Variants in ACBD6 observed in about 807,000 individuals in gnomAD.
The protein encoded by ACBD6 is acyl-CoA-binding domain-containing protein 6.
In ACBD6, 28 loss-of-function variants were observed where a neutral mutation model predicts 37.2. That is an observed-to-expected ratio of 0.75 (90% CI 0.56 to 1.03). The LOEUF is 1.03. ACBD6 is among the 50% of genes least tolerant of loss of function. The pLI is 0.00. For synonymous variants in ACBD6, 113 were observed against 126.8 expected, an observed-to-expected ratio of 0.89 and a Z score of 0.73; for missense variants, 340 against 337.4, an observed-to-expected ratio of 1.01 and a Z score of -0.06.
intron 3 of ACBD6, among the ~76,000 whole-genome samples, chr1:180,457,798 T>G (rs1286633051): frequency 6.6e-6 from 1 of 151,822 alleles, no homozygotes; most frequent in East Asian, 1.9e-4. Context: ...TAACTGTTTT[T>G]TTTTTTTTTT....
chr1:180,407,038 C>T (rs1460531137), intron 5 of ACBD6, among the ~76,000 whole-genome samples: 1 of 151,840 alleles, frequency 6.6e-6, no homozygotes, highest in Non-Finnish European at 1.5e-5. Context: ...TGAAGCAATA[C>T]TATTTATTTT....
intron 6 of ACBD6, among the ~76,000 whole-genome samples, chr1:180,394,868 A>G (rs1028270327): frequency 6.6e-6 from 1 of 152,224 alleles, no homozygotes; most frequent in Non-Finnish European, 1.5e-5. Flanking sequence ...TGAAAGTACT[A>G]GAAGAAAATG....
At chr1:180,356,362 G>A (rs944418741) in intron 6 of ACBD6, among the ~76,000 whole-genome samples, 1 of 151,456 alleles carries the variant, frequency 6.6e-6, no homozygotes, top group Non-Finnish European at 1.5e-5. Context: ...TGTAGAGATG[G>A]GGTTTTACCG....
chr1:180,386,931 C>T (rs1323499448), intron 6 of ACBD6, among the ~76,000 whole-genome samples: 1 of 152,040 alleles, frequency 6.6e-6, no homozygotes, highest in African/African-American at 2.4e-5. Context: ...TTTTACCATT[C>T]GAGTTGTGAT....
At chr1:180,370,000 A>G (rs4652498) in intron 6 of ACBD6, among the ~76,000 whole-genome samples, 111,747 of 152,056 alleles carry the variant, frequency 0.73, 43,612 homozygotes, top group Non-Finnish European at 0.88. Flanking sequence ...TGGATGCATC[A>G]TTTCTTTGAG....
chr1:180,475,790 T>C (rs1452398196), intron 3 of ACBD6, among the ~76,000 whole-genome samples: 2 of 152,190 alleles, frequency 1.3e-5, no homozygotes, highest in Admixed American at 1.3e-4. Flanking sequence ...GGGGTTATTA[T>C]AAATAAAGCG....
At chr1:180,413,601 G>T in intron 4 of ACBD6, 130 bp from the exon 5 acceptor site, 1 of 679,892 alleles carries the variant, frequency 1.5e-6, no homozygotes, top group Non-Finnish European at 2.5e-6. Context: ...TACATGAACA[G>T]TAACAGTTTT....
intron 6 of ACBD6, among the ~76,000 whole-genome samples, chr1:180,357,161 T>C (rs1034701290): frequency 6.6e-6 from 1 of 152,224 alleles, no homozygotes; most frequent in Non-Finnish European, 1.5e-5. Flanking sequence ...AAAACATATT[T>C]ATATATCTTT....
chr1:180,407,951 T>C (rs1235480843), intron 5 of ACBD6, among the ~76,000 whole-genome samples: 5 of 152,230 alleles, frequency 3.3e-5, no homozygotes, highest in South Asian at 2.1e-4. Context: ...TGATTTGTTA[T>C]ATTATCATCA....
intron 6 of ACBD6, among the ~76,000 whole-genome samples, chr1:180,327,348 C>G (rs1651293277): frequency 6.6e-6 from 1 of 152,172 alleles, no homozygotes. Flanking sequence ...TTCTCCCTCT[C>G]CAAGTGCACA....
chr1:180,360,403 T>C (rs1205594922), intron 6 of ACBD6, among the ~76,000 whole-genome samples: 5 of 152,208 alleles, frequency 3.3e-5, no homozygotes, highest in African/African-American at 1.2e-4. Context: ...TCCAGAGGTA[T>C]CTCTTTTCAC....
intron 3 of ACBD6, among the ~76,000 whole-genome samples, chr1:180,466,671 G>A (rs1304389763): frequency 1.3e-5 from 2 of 152,066 alleles, no homozygotes; most frequent in Admixed American, 1.3e-4. Flanking sequence ...TTAATAGTTT[G>A]CCTATGCACA....
At chr1:180,379,286 A>G (rs906925703) in intron 6 of ACBD6, among the ~76,000 whole-genome samples, 1 of 152,248 alleles carries the variant, frequency 6.6e-6, no homozygotes, top group Non-Finnish European at 1.5e-5. Context: ...AAAAACTGGA[A>G]GAAGTGACTG....
chr1:180,392,390 T>C (rs1047781623), intron 6 of ACBD6, among the ~76,000 whole-genome samples: 6 of 152,156 alleles, frequency 3.9e-5, no homozygotes, highest in Admixed American at 6.5e-5. Flanking sequence ...AAACTTTATG[T>C]ACAATATTAT....
chr1:180,468,733 C>CA (rs921714801), intron 3 of ACBD6, among the ~76,000 whole-genome samples: 1 of 152,166 alleles, frequency 6.6e-6, no homozygotes, highest in Non-Finnish European at 1.5e-5. Flanking sequence ...ACCCCTAAAT[C>CA]AGATATTTAA....
At chr1:180,469,459 A>G (rs1175138843) in intron 3 of ACBD6, among the ~76,000 whole-genome samples, 2 of 152,232 alleles carry the variant, frequency 1.3e-5, no homozygotes, top group African/African-American at 2.4e-5. Flanking sequence ...AAAACAATAT[A>G]GTAATTCTAC....
chr1:180,385,542 T>C (rs1385642343), intron 6 of ACBD6, among the ~76,000 whole-genome samples: 2 of 151,628 alleles, frequency 1.3e-5, no homozygotes, highest in Admixed American at 6.6e-5. Context: ...TATTTAGAAA[T>C]AGGGCCTTTA....
intron 4 of ACBD6, among the ~76,000 whole-genome samples, chr1:180,415,575 T>C (rs989365884): frequency 1.3e-5 from 2 of 152,178 alleles, no homozygotes; most frequent in Non-Finnish European, 2.9e-5. Context: ...TTTAAAGTCA[T>C]AGCAATACTA....
At chr1:180,338,892 A>G (rs565042528) in intron 6 of ACBD6, among the ~76,000 whole-genome samples, 2 of 152,376 alleles carry the variant, frequency 1.3e-5, no homozygotes, top group South Asian at 2.1e-4. Flanking sequence ...ACACTTCTCA[A>G]AAGAAGACAT....
Sources: allele counts gnomAD v4.1 joint callset (sites outside exome capture counted in the v4.1 genomes callset), GRCh38; gene constraint gnomAD v4.1.1; transcripts MANE v1.5; gene names NCBI Gene and HGNC (gene_info 2026-07-23, HGNC 2026-07-21).